The following METRNL variants were observed in gnomAD, a reference collection of about 807,000 sequenced individuals.
The protein encoded by METRNL is meteorin-like protein.
METRNL carries 9 observed loss-of-function variants against 17.4 expected under a neutral mutation model. That is an observed-to-expected ratio of 0.52 (90% CI 0.31 to 0.90). METRNL has a LOEUF of 0.90. METRNL is among the 40% of genes least tolerant of loss of function. The pLI, the probability that METRNL is intolerant of heterozygous loss-of-function variation, is 0.05. For missense variants in METRNL, 408 were observed against 430.7 expected, an observed-to-expected ratio of 0.95 and a Z score of 0.47; for synonymous variants, 215 against 199.3, an observed-to-expected ratio of 1.08 and a Z score of -0.66.
At position 83,094,613 on chromosome 17, in the gene METRNL, C is replaced by T; in HGVS notation, c.*38C>T. On this transcript the variant is annotated 3_prime_UTR_variant, in exon 4 of 4. Coordinates refer to ENST00000320095, the MANE Select transcript of METRNL (RefSeq NM_001004431.3). Reference sequence around the variant, plus strand: ...CTGCCCTTCCTCTCCTGATGAGTCACAGGCTGCGGTGGGCGCTGCGGTCCT... The same window carrying T: ...CTGCCCTTCCTCTCCTGATGAGTCATAGGCTGCGGTGGGCGCTGCGGTCCT... The T allele has an allele frequency of 1.4e-6, 2 of 1,408,900 alleles. No homozygotes were observed. Among genetic ancestry groups the T allele is most frequent in the Non-Finnish European group, 1.9e-6 (2 of 1,076,536 alleles). 87.3% of individuals were successfully genotyped at this position (1,408,900 alleles called of 1,614,324 possible). A position where few individuals can be genotyped will look rare whatever the true frequency, so the allele number is the denominator to read the frequency against.
chr17:83,090,176 G>C (rs867777332), intron 2 of METRNL, among the ~76,000 whole-genome samples: 7 of 22,502 alleles, frequency 3.1e-4, no homozygotes, highest in Admixed American at 6.3e-4. Flanking sequence ...ACACACCCCT[G>C]CCCCGCCCCA....
chr17:83,086,698 G>A (rs553825513), intron 2 of METRNL, among the ~76,000 whole-genome samples: 8 of 152,358 alleles, frequency 5.3e-5, no homozygotes, highest in African/African-American at 1.9e-4. Context: ...CGGGTCACAT[G>A]CTCTGTGGCC....
At chr17:83,092,752 C>T (rs145647615) in intron 2 of METRNL, among the ~76,000 whole-genome samples, 283 of 152,240 alleles carry the variant, frequency 1.9e-3, no homozygotes, top group African/African-American at 5.9e-3. Flanking sequence ...GCAACAGGCA[C>T]GTGAGCGATT....
At chr17:83,090,561 G>A (rs924781904) in intron 2 of METRNL, among the ~76,000 whole-genome samples, 1 of 130,504 alleles carries the variant, frequency 7.7e-6, no homozygotes, top group East Asian at 2.3e-4. Flanking sequence ...ATGGACTTCC[G>A]GCACCTCCTG....
intron 1 of METRNL, chr17:83,081,988 C>A: frequency 1.4e-6 from 1 of 697,350 alleles, no homozygotes; most frequent in Non-Finnish European, 1.8e-6. Context: ...GGTGGATTCT[C>A]ATCCCCCGAT....
chr17:83,093,289 TGGGCCCAGGAGTCCCTCTTCA>T, intron 3 of METRNL, 63 bp downstream of exon 3: 2 of 1,416,956 alleles, frequency 1.4e-6, no homozygotes, highest in Non-Finnish European at 2.0e-6. Flanking sequence ...TGGAGCTGTT[TGGGCCCAGGAGTCCCTCTTCA>T]GGGCCCAGGA....
intron 3 of METRNL, 32 bp downstream of exon 3, chr17:83,093,258 G>C (rs2038162566): frequency 6.3e-7 from 1 of 1,584,310 alleles, no homozygotes; most frequent in Non-Finnish European, 8.6e-7. Context: ...TCTACCTCCT[G>C]TGCTCCTGGT....
At chr17:83,086,529 C>T (rs1249678603) in intron 2 of METRNL, among the ~76,000 whole-genome samples, 1 of 152,038 alleles carries the variant, frequency 6.6e-6, no homozygotes, top group Admixed American at 6.6e-5. Context: ...CTCTGGGGGC[C>T]CTGGAGAAAA....
intron 1 of METRNL, among the ~76,000 whole-genome samples, chr17:83,081,117 G>T (rs1183574617): frequency 6.6e-6 from 1 of 151,864 alleles, no homozygotes; most frequent in African/African-American, 2.4e-5. Flanking sequence ...CGTGGGCGGT[G>T]CCCGGCTGTC....
At chr17:83,082,782 G>C (rs938861740) in intron 1 of METRNL, among the ~76,000 whole-genome samples, 1 of 152,244 alleles carries the variant, frequency 6.6e-6, no homozygotes, top group African/African-American at 2.4e-5. Flanking sequence ...ATGAGTCTCG[G>C]ACTTCGTGCC....
chr17:83,082,694 C>A (rs1353922850), intron 1 of METRNL, among the ~76,000 whole-genome samples: 3 of 152,218 alleles, frequency 2.0e-5, no homozygotes, highest in African/African-American at 7.2e-5. Context: ...ACTCTGTTTT[C>A]AGGTTTGCTG....
At chr17:83,092,715 G>A (rs902591458) in intron 2 of METRNL, among the ~76,000 whole-genome samples, 4 of 152,130 alleles carry the variant, frequency 2.6e-5, no homozygotes, top group South Asian at 2.1e-4. Context: ...TGGTGGGTTC[G>A]GTTCAGCCCC....
chr17:83,084,812 G>A (rs532124803), intron 1 of METRNL, 126 bp from the exon 2 acceptor site: 385 of 1,271,126 alleles, frequency 3.0e-4, no homozygotes, highest in Non-Finnish European at 3.9e-4. Flanking sequence ...ACCTGTGGCC[G>A]GCAGCGGGTG....
At chr17:83,093,324 C>A in intron 3 of METRNL, 98 bp downstream of exon 3, 1 of 1,022,930 alleles carries the variant, frequency 9.8e-7, no homozygotes, top group Non-Finnish European at 1.5e-6. Context: ...CCCAGGACAG[C>A]CTTCCGGTGC....
At chr17:83,088,773 GC>G (rs995338692) in intron 2 of METRNL, among the ~76,000 whole-genome samples, 1 of 146,526 alleles carries the variant, frequency 6.8e-6, no homozygotes, top group Non-Finnish European at 1.5e-5. Context: ...CGGGCGCAGA[GC>G]CCCTGCCGAT....
intron 1 of METRNL, chr17:83,082,253 C>G (rs556746973): frequency 1.0e-6 from 1 of 985,458 alleles, no homozygotes; most frequent in Non-Finnish European, 1.2e-6. Context: ...GAAAGTTAAC[C>G]TGCCAGTGGG....
At chr17:83,091,443 T>C (rs1264775397) in intron 2 of METRNL, among the ~76,000 whole-genome samples, 1 of 152,220 alleles carries the variant, frequency 6.6e-6, no homozygotes, top group Admixed American at 6.5e-5. Context: ...GACCTGCGCT[T>C]GCCCAGTGCA....
At chr17:83,083,231 C>T (rs2038010327) in intron 1 of METRNL, among the ~76,000 whole-genome samples, 1 of 152,178 alleles carries the variant, frequency 6.6e-6, no homozygotes, top group Admixed American at 6.5e-5. Context: ...GTGGCTGTTC[C>T]CCTCGCCTGC....
intron 1 of METRNL, among the ~76,000 whole-genome samples, chr17:83,082,541 A>T (rs1472677608): frequency 6.6e-6 from 1 of 152,204 alleles, no homozygotes; most frequent in East Asian, 1.9e-4. Context: ...AGTTGAACGA[A>T]CCACGGTTTT....
Sources: allele counts gnomAD v4.1 joint callset (sites outside exome capture counted in the v4.1 genomes callset), GRCh38; gene constraint gnomAD v4.1.1; transcripts MANE v1.5; gene names NCBI Gene and HGNC (gene_info 2026-07-23, HGNC 2026-07-21).